DUSP13B: variants seen among roughly 807,000 people sequenced by gnomAD.
DUSP13B encodes dual specificity phosphatase 13B, also known as dual specificity protein phosphatase 13B.
chr10:75,101,948 A>G, the DUSP13B span: 3 of 1,367,630 alleles, frequency 2.2e-6, no homozygotes, highest in African/African-American at 4.4e-5. Flanking sequence ...GTCTCCGCAC[A>G]CTTGATGCTG....
the DUSP13B span, chr10:75,107,922 CTG>C: frequency 6.7e-7 from 1 of 1,497,682 alleles, no homozygotes; most frequent in Non-Finnish European, 9.0e-7. Flanking sequence ...GCACTGATGA[CTG>C]AGAGGAAATG....
chr10:75,094,842 C>T, the DUSP13B span: 22 of 1,614,008 alleles, frequency 1.4e-5, no homozygotes, highest in African/African-American at 4.0e-5. Flanking sequence ...TGTGGCAGAG[C>T]GGCTTACCCC....
At chr10:75,094,650 G>T in the DUSP13B span, 1 of 1,611,562 alleles carries the variant, frequency 6.2e-7, no homozygotes. Flanking sequence ...TGGGCCAAGG[G>T]TCAGGGATCC....
the DUSP13B span, chr10:75,108,279 C>G: frequency 1.3e-6 from 2 of 1,521,922 alleles, no homozygotes; most frequent in Admixed American, 2.1e-5. Context: ...GTGCCTGGCC[C>G]CCTGCTGCAG....
chr10:75,098,882 C>A, the DUSP13B span: 122 of 957,740 alleles, frequency 1.3e-4, no homozygotes, highest in East Asian at 3.0e-4. Flanking sequence ...TCATGAGTAG[C>A]AAGGCTGGGG....
At chr10:75,107,548 C>T in the DUSP13B span, among the ~76,000 whole-genome samples, 2 of 152,046 alleles carry the variant, frequency 1.3e-5, no homozygotes, top group South Asian at 2.1e-4. Context: ...GAATCGGGTT[C>T]GACAAAATGC....
chr10:75,101,339 C>A, the DUSP13B span, among the ~76,000 whole-genome samples: 1 of 152,166 alleles, frequency 6.6e-6, no homozygotes, highest in African/African-American at 2.4e-5. Flanking sequence ...ATAAATGGCA[C>A]GTCTTACTAT....
At chr10:75,096,813 G>A in the DUSP13B span, among the ~76,000 whole-genome samples, 1 of 152,028 alleles carries the variant, frequency 6.6e-6, no homozygotes, top group African/African-American at 2.4e-5. Context: ...GTCAAAAAGT[G>A]GAAACAATTC....
chr10:75,099,264 G>A, the DUSP13B span: 2 of 1,232,142 alleles, frequency 1.6e-6, no homozygotes, highest in African/African-American at 3.1e-5. Flanking sequence ...TTTCCCTTTG[G>A]TAGGCAGTGC....
At chr10:75,105,855 C>T in the DUSP13B span, 1 of 1,549,376 alleles carries the variant, frequency 6.5e-7, no homozygotes, top group Non-Finnish European at 8.7e-7. Context: ...CCACACAGTG[C>T]ACCAGGACCT....
chr10:75,107,096 G>T, the DUSP13B span, among the ~76,000 whole-genome samples: 1 of 152,194 alleles, frequency 6.6e-6, no homozygotes, highest in African/African-American at 2.4e-5. Flanking sequence ...AGCACTTTGG[G>T]AGGCCGAGGC....
the DUSP13B span, among the ~76,000 whole-genome samples, chr10:75,100,231 G>A: frequency 1.3e-5 from 2 of 152,280 alleles, no homozygotes; most frequent in East Asian, 3.9e-4. Flanking sequence ...GTAGGCCACA[G>A]TGCATGCCTC....
chr10:75,106,101 CTTTTT>C, the DUSP13B span, among the ~76,000 whole-genome samples: 1 of 123,022 alleles, frequency 8.1e-6, no homozygotes, highest in Non-Finnish European at 1.7e-5. Context: ...TCTTTCTTTT[CTTTTT>C]TTTTTTTTTT....
At chr10:75,109,170 C>G in the DUSP13B span, 3 of 1,565,194 alleles carry the variant, frequency 1.9e-6, no homozygotes, top group South Asian at 3.5e-5. Context: ...GCCAGCCCGC[C>G]CACCCCTCTG....
chr10:75,095,004 T>C, the DUSP13B span: 5 of 868,792 alleles, frequency 5.8e-6, no homozygotes, highest in Non-Finnish European at 8.7e-6. Context: ...CTCTGTCAAA[T>C]GGGGCAACTG....
chr10:75,103,437 C>T, the DUSP13B span, among the ~76,000 whole-genome samples: 3 of 152,116 alleles, frequency 2.0e-5, no homozygotes, highest in Non-Finnish European at 4.4e-5. Flanking sequence ...CTGCCAAGCT[C>T]CTCCCCCAAC....
the DUSP13B span, chr10:75,094,768 G>A: frequency 6.2e-7 from 1 of 1,614,150 alleles, no homozygotes; most frequent in African/African-American, 1.3e-5. Context: ...CGGTGGGCCT[G>A]CACCGTCTGG....
chr10:75,098,015 A>T, the DUSP13B span: 3 of 780,020 alleles, frequency 3.8e-6, no homozygotes, highest in Non-Finnish European at 5.8e-6. Context: ...TCTATTTCAC[A>T]TGAGGTATTA....
At chr10:75,094,700 C>T in the DUSP13B span, 21 of 1,614,146 alleles carry the variant, frequency 1.3e-5, no homozygotes, top group African/African-American at 2.7e-5. Context: ...TCTCCCGCCC[C>T]AGTCGGTTGT....
Sources: gnomAD v4.1 joint callset for allele counts (sites outside exome capture counted in the v4.1 genomes callset) on GRCh38, gnomAD v4.1.1 for gene constraint, MANE v1.5 for transcripts, NCBI Gene and HGNC (gene_info 2026-07-23, HGNC 2026-07-21) for gene names.